The following SHISA9 variants were observed in gnomAD, a reference collection of about 807,000 sequenced individuals.
The protein encoded by SHISA9 is shisa family member 9, also known as protein shisa-9.
SHISA9 carries 13 observed loss-of-function variants against 38.0 expected under a neutral mutation model. The observed-to-expected ratio is 0.34, with a 90% confidence interval of 0.22 to 0.54. The LOEUF (loss-of-function observed/expected upper bound fraction) is 0.54. SHISA9 is among the 20% of genes least tolerant of loss of function. The pLI is 0.91. For synonymous variants in SHISA9, 275 were observed against 242.0 expected (o/e 1.14, Z -1.27); for missense variants, 538 against 575.8 (o/e 0.93, Z 0.67).
intron 1 of SHISA9, chr16:12,910,748 A>G (rs1474472315): frequency 2.9e-5 from 28 of 981,212 alleles, no homozygotes; most frequent in South Asian, 4.7e-5. Context: ...AGGGTTCTCT[A>G]GAGAAACAGA....
At chr16:13,360,787 G>A in the SHISA9 span, among the ~76,000 whole-genome samples, 1 of 152,188 alleles carries the variant, frequency 6.6e-6, no homozygotes, top group Admixed American at 6.5e-5. Context: ...CAACCAGTGG[G>A]TGATGGGAGT....
chr16:13,003,827 C>T (rs544440695), intron 2 of SHISA9, among the ~76,000 whole-genome samples: 1 of 151,940 alleles, frequency 6.6e-6, no homozygotes, highest in African/African-American at 2.4e-5. Flanking sequence ...CACTGCACTC[C>T]AACCTGGACG....
At chr16:12,991,418 G>T (rs1359026816) in intron 2 of SHISA9, among the ~76,000 whole-genome samples, 1 of 152,106 alleles carries the variant, frequency 6.6e-6, no homozygotes. Context: ...GTCATTTAAA[G>T]TTGATAATAT....
At chr16:13,309,844 C>T in the SHISA9 span, among the ~76,000 whole-genome samples, 3 of 151,888 alleles carry the variant, frequency 2.0e-5, no homozygotes, top group South Asian at 4.2e-4. Context: ...CAAACAAAAT[C>T]CAAGTTCTGT....
the SHISA9 span, among the ~76,000 whole-genome samples, chr16:13,410,832 A>G: frequency 6.6e-6 from 1 of 152,204 alleles, no homozygotes; most frequent in African/African-American, 2.4e-5. Context: ...AAAGGATACT[A>G]TCTGTGGGAG....
chr16:13,142,182 G>C (rs560983116), intron 2 of SHISA9, among the ~76,000 whole-genome samples: 32 of 152,194 alleles, frequency 2.1e-4, no homozygotes, highest in Non-Finnish European at 4.4e-4. Context: ...TCTACGTGTG[G>C]ACTGGGCGAA....
chr16:13,036,549 C>T (rs572433739), intron 2 of SHISA9, among the ~76,000 whole-genome samples: 1 of 151,906 alleles, frequency 6.6e-6, no homozygotes, highest in African/African-American at 2.4e-5. Context: ...GATGGTGGGG[C>T]TAGTTACATT....
At chr16:13,491,789 C>G in the SHISA9 span, among the ~76,000 whole-genome samples, 1 of 130,516 alleles carries the variant, frequency 7.7e-6, no homozygotes, top group South Asian at 2.5e-4. Flanking sequence ...TGCACCTGGC[C>G]TGGGATTTTT....
Position 13,235,637 on chromosome 16 carries a change from A to AC in SHISA9, c.*229dup. ...GACCGAAGCGTGGACATTCAGCAAT[A>AC]CAGCAAAGGGGAAAATGAGGCACAC... On this transcript the variant is annotated 3_prime_UTR_variant, in exon 5 of 5. Coordinates refer to ENST00000558583, the MANE Select transcript of SHISA9 (RefSeq NM_001145204.3). 1.8e-6 allele frequency: 1 copy of AC among 541,316 alleles called. No homozygotes were observed. Among genetic ancestry groups the AC allele is most frequent in the Non-Finnish European group, 3.2e-6 (1 of 315,086 alleles). 33.5% of individuals were successfully genotyped at this position (541,316 alleles called of 1,614,324 possible). A position where few individuals can be genotyped will look rare whatever the true frequency, so the allele number is the denominator to read the frequency against.
chr16:13,008,051 C>T (rs775557197), intron 2 of SHISA9, among the ~76,000 whole-genome samples: 1 of 152,256 alleles, frequency 6.6e-6, no homozygotes, highest in Non-Finnish European at 1.5e-5. Flanking sequence ...GCCATAAGAG[C>T]TTGTTTGGGA....
Position 12,946,915 on chromosome 16 carries a change from C to T in SHISA9, c.691+30100C>T, listed in dbSNP as rs568642991. Among the ~76,000 whole-genome samples the T allele has an allele frequency of 3.9e-5, 6 of 152,364 alleles. No homozygotes were observed. The East Asian group carries it at 5.8e-4, about 15-fold the overall frequency. The stretch of plus-strand genomic sequence containing the variant: ...ATTAAGTTTTACTAGAACACAGACA[C>T]GCTCATTTTTTCACGTATTGTCCAT... On this transcript the variant is annotated intron_variant, in intron 2 of 4. Transcript: ENST00000558583.
At chr16:13,377,045 T>C in the SHISA9 span, among the ~76,000 whole-genome samples, 1 of 152,208 alleles carries the variant, frequency 6.6e-6, no homozygotes, top group East Asian at 1.9e-4. Flanking sequence ...AAACCTTTAA[T>C]GCTGCTTCCA....
At chr16:13,493,320 C>A in the SHISA9 span, among the ~76,000 whole-genome samples, 1 of 152,128 alleles carries the variant, frequency 6.6e-6, no homozygotes, top group Non-Finnish European at 1.5e-5. Flanking sequence ...TCTAGAGGCA[C>A]CTGATTTTTT....
chr16:13,017,937 C>T (rs142595891), intron 2 of SHISA9, among the ~76,000 whole-genome samples: 1 of 152,160 alleles, frequency 6.6e-6, no homozygotes, highest in Non-Finnish European at 1.5e-5. Flanking sequence ...TAAGGAAATC[C>T]CCTCCCACCT....
the SHISA9 span, among the ~76,000 whole-genome samples, chr16:13,450,773 T>G: frequency 1.4e-5 from 2 of 144,306 alleles, no homozygotes; most frequent in Non-Finnish European, 1.5e-5. Flanking sequence ...TGTTGTTGTT[T>G]TGTTGTTGTT....
the SHISA9 span, among the ~76,000 whole-genome samples, chr16:13,348,693 A>G: frequency 6.6e-6 from 1 of 151,876 alleles, no homozygotes; most frequent in African/African-American, 2.4e-5. Context: ...TGTTTGAATC[A>G]TTGTGATCAG....
chr16:13,357,643 C>T, the SHISA9 span, among the ~76,000 whole-genome samples: 1 of 152,136 alleles, frequency 6.6e-6, no homozygotes, highest in African/African-American at 2.4e-5. Context: ...TTTATTTCAC[C>T]TGGGTGCAGG....
the SHISA9 span, among the ~76,000 whole-genome samples, chr16:13,298,957 G>T: frequency 6.6e-6 from 1 of 152,160 alleles, no homozygotes; most frequent in Non-Finnish European, 1.5e-5. Flanking sequence ...TGCATGGGGT[G>T]CCTGGAAGCC....
chr16:13,212,405 C>G (rs1226084655), intron 3 of SHISA9, among the ~76,000 whole-genome samples: 1 of 152,148 alleles, frequency 6.6e-6, no homozygotes, highest in East Asian at 1.9e-4. Context: ...TTGGCCAATT[C>G]TCAGTATCCT....
Sources: allele counts gnomAD v4.1 joint callset (sites outside exome capture counted in the v4.1 genomes callset), GRCh38; gene constraint gnomAD v4.1.1; transcripts MANE v1.5; gene names NCBI Gene and HGNC (gene_info 2026-07-23, HGNC 2026-07-21).